The following RYR2 variants were observed in gnomAD, a reference collection of about 807,000 sequenced individuals.
The protein encoded by RYR2 is cardiac muscle ryanodine receptor-calcium release channel.
RYR2 carries 227 observed loss-of-function variants against 601.1 expected under a neutral mutation model. That is an observed-to-expected ratio of 0.38 (90% confidence interval 0.34 to 0.42). The LOEUF (loss-of-function observed/expected upper bound fraction) is 0.42. Among genes scored for constraint, RYR2 ranks in the 10% least tolerant of loss-of-function variants. RYR2 has a pLI of 1.00. For synonymous variants in RYR2, 2,223 were observed against 2,175.1 expected, an observed-to-expected ratio of 1.02 and a Z score of -0.61; for missense variants, 4,646 against 6,156.5, an observed-to-expected ratio of 0.75 and a Z score of 8.21.
chr1:237,436,916 C>G (rs972408503), intron 12 of RYR2, among the ~76,000 whole-genome samples: 11 of 150,188 alleles, frequency 7.3e-5, no homozygotes, highest in Admixed American at 6.7e-4. Context: ...GTGTATAAGG[C>G]CACAGTTCTT....
chr1:237,821,542 G>A (rs1182871685), intron 101 of RYR2, among the ~76,000 whole-genome samples: 2 of 152,100 alleles, frequency 1.3e-5, no homozygotes, highest in East Asian at 1.9e-4. Context: ...AAGACTAAAG[G>A]TAGATAAATC....
intron 3 of RYR2, among the ~76,000 whole-genome samples, chr1:237,344,173 A>C (rs993343453): frequency 6.6e-6 from 1 of 152,204 alleles, no homozygotes; most frequent in African/African-American, 2.4e-5. Context: ...ATTGGTTAGG[A>C]AGAAATATGT....
At chr1:237,672,996 A>G (rs1685089551) in intron 58 of RYR2, among the ~76,000 whole-genome samples, 1 of 152,220 alleles carries the variant, frequency 6.6e-6, no homozygotes, top group Non-Finnish European at 1.5e-5. Flanking sequence ...AGGGAAGCAG[A>G]CATTTCCTCC....
chr1:237,751,793 G>A (rs1692556253), intron 80 of RYR2, among the ~76,000 whole-genome samples: 1 of 152,126 alleles, frequency 6.6e-6, no homozygotes, highest in Non-Finnish European at 1.5e-5. Flanking sequence ...GCAGAATTCT[G>A]GAAGATCATT....
At chr1:237,107,815 T>C (rs1331828670) in intron 1 of RYR2, among the ~76,000 whole-genome samples, 1 of 152,192 alleles carries the variant, frequency 6.6e-6, no homozygotes, top group Non-Finnish European at 1.5e-5. Flanking sequence ...CAGAAGCACG[T>C]CACACGTGTG....
At chr1:237,315,455 A>G (rs1695017630) in intron 2 of RYR2, among the ~76,000 whole-genome samples, 1 of 152,108 alleles carries the variant, frequency 6.6e-6, no homozygotes, top group Non-Finnish European at 1.5e-5. Context: ...TAAATAATTC[A>G]GTTTAAAAGT....
intron 48 of RYR2, among the ~76,000 whole-genome samples, chr1:237,645,932 A>G (rs912603047): frequency 5.4e-5 from 8 of 147,336 alleles, no homozygotes; most frequent in Admixed American, 4.8e-4. Flanking sequence ...GCTGGAATGC[A>G]GTGGCGCAGT....
At chr1:237,095,660 C>T (rs1429138295) in intron 1 of RYR2, among the ~76,000 whole-genome samples, 1 of 152,206 alleles carries the variant, frequency 6.6e-6, no homozygotes, top group African/African-American at 2.4e-5. Flanking sequence ...CACTTGCCAT[C>T]TGTGAGGTTT....
intron 1 of RYR2, among the ~76,000 whole-genome samples, chr1:237,127,538 CG>C (rs1275498481): frequency 6.6e-6 from 1 of 150,630 alleles, no homozygotes; most frequent in Non-Finnish European, 1.5e-5. Flanking sequence ...CCCTCCCGGA[CG>C]GGGCGGCTGG....
At chr1:237,255,388 G>C (rs1380578445) in intron 1 of RYR2, among the ~76,000 whole-genome samples, 1 of 152,070 alleles carries the variant, frequency 6.6e-6, no homozygotes, top group Non-Finnish European at 1.5e-5. Flanking sequence ...TCCATTGGTG[G>C]ATTCCACATA....
intron 1 of RYR2, among the ~76,000 whole-genome samples, chr1:237,160,614 C>T (rs1675900952): frequency 6.6e-6 from 1 of 151,836 alleles, no homozygotes; most frequent in South Asian, 2.1e-4. Flanking sequence ...AGTGTATATT[C>T]ATCCTGCTAA....
At chr1:237,669,593 G>T (rs532601959) in intron 58 of RYR2, among the ~76,000 whole-genome samples, 1 of 150,892 alleles carries the variant, frequency 6.6e-6, no homozygotes, top group Admixed American at 6.6e-5. Flanking sequence ...CCAGGCAGAG[G>T]GTCTCCTCAC....
chr1:237,604,026 TAAC>T (rs1170490254), intron 35 of RYR2, among the ~76,000 whole-genome samples: 3 of 152,108 alleles, frequency 2.0e-5, no homozygotes. Flanking sequence ...GACAGAAAGT[TAAC>T]AAGGATATCT....
At chr1:237,181,707 G>C (rs1379457477) in intron 1 of RYR2, among the ~76,000 whole-genome samples, 1 of 152,210 alleles carries the variant, frequency 6.6e-6, no homozygotes, top group Non-Finnish European at 1.5e-5. Flanking sequence ...AATGGCTGCT[G>C]AGTGTCTTAA....
In RYR2 at chr1:237,092,500, A is replaced by G. The variant is rs1667066917; in HGVS notation, c.48+49931A>G. Reference sequence around the variant, plus strand: ...TGTTTATATATGTGGTATACTATACAGATCACAGATAGTCTTTTTTTTTTT... The same window carrying G: ...TGTTTATATATGTGGTATACTATACGGATCACAGATAGTCTTTTTTTTTTT... On this transcript the variant is annotated intron_variant, in intron 1 of 104. Transcript: ENST00000366574. Among the ~76,000 whole-genome samples, 3 of 149,490 alleles carry G rather than the reference A, an allele frequency of 2.0e-5. No individual in the cohort carries two copies. In the Middle Eastern group the frequency reaches 0.01, roughly 523 times the overall value.
intron 63 of RYR2, among the ~76,000 whole-genome samples, chr1:237,689,287 G>T (rs1686726481): frequency 6.6e-6 from 1 of 151,980 alleles, no homozygotes; most frequent in Admixed American, 6.6e-5. Flanking sequence ...CAAATAAAAA[G>T]AACAACTTGA....
chr1:237,335,219 G>A (rs1572640364), intron 3 of RYR2, among the ~76,000 whole-genome samples: 1 of 150,298 alleles, frequency 6.7e-6, no homozygotes, highest in Non-Finnish European at 1.5e-5. Context: ...GTTTCCATGT[G>A]TTTTGTAGTT....
At chr1:237,048,941 T>C (rs1660920476) in intron 1 of RYR2, among the ~76,000 whole-genome samples, 1 of 152,104 alleles carries the variant, frequency 6.6e-6, no homozygotes, top group Non-Finnish European at 1.5e-5. Flanking sequence ...ATGAAGGAAG[T>C]AGGCAAAGAT....
chr1:237,547,552 TA>T (rs1441153368), intron 25 of RYR2, among the ~76,000 whole-genome samples: 1 of 152,118 alleles, frequency 6.6e-6, no homozygotes, highest in Non-Finnish European at 1.5e-5. Flanking sequence ...GTATAGTCAA[TA>T]ATGGAGAATA....
Sources: allele counts gnomAD v4.1 joint callset (sites outside exome capture counted in the v4.1 genomes callset), GRCh38; gene constraint gnomAD v4.1.1; transcripts MANE v1.5; gene names NCBI Gene and HGNC (gene_info 2026-07-23, HGNC 2026-07-21).